The following PLCG2 variants were observed in gnomAD, a reference collection of about 807,000 sequenced individuals.
PLCG2 encodes 1-phosphatidylinositol 4,5-bisphosphate phosphodiesterase gamma-2.
A neutral mutation model predicts 175.6 loss-of-function variants in PLCG2; 69 were observed. That is an observed-to-expected ratio of 0.39 (90% CI 0.32 to 0.48). The LOEUF (loss-of-function observed/expected upper bound fraction) is 0.48, where lower values mean the gene tolerates loss of function less well. PLCG2 is among the 20% of genes least tolerant of loss of function. PLCG2 has a pLI of 0.91. For missense variants in PLCG2, 1,798 were observed against 1,650.9 expected (o/e 1.09, Z -1.54); for synonymous variants, 827 against 624.0 (o/e 1.33, Z -4.85).
At position 81,907,696 on chromosome 16, in the gene PLCG2, G is replaced by C. The variant is rs770303470; in HGVS notation, c.1479G>C (p.Arg493=). The C allele has an allele frequency of 8.1e-6, 13 of 1,613,242 alleles. No individual in the cohort carries two copies. The African/African-American group carries it at 1.5e-4, about 18-fold the overall frequency. The stretch of plus-strand genomic sequence containing the variant: ...GTTTCACTTTCTAGAAATGGACTCG[G>C]CACTACTGCGCCATTGCCGATGCCA... The part of the protein sequence containing the change: ...MWDSIDQKWT[R]HYCAIADAKL... Residue 493 remains arginine (R), a synonymous_variant, in exon 16 of 33, where the codon CGG becomes CGC. Coordinates refer to ENST00000564138, the MANE Select transcript of PLCG2 (RefSeq NM_002661.5).
intron 2 of PLCG2, among the ~76,000 whole-genome samples, chr16:81,800,293 C>T (rs765600216): frequency 2.0e-4 from 31 of 152,188 alleles, no homozygotes; most frequent in Non-Finnish European, 3.7e-4. Context: ...TGGCTTGCTG[C>T]ACCTATCAGC....
intron 30 of PLCG2, among the ~76,000 whole-genome samples, chr16:81,945,073 G>T (rs932611073): frequency 1.3e-5 from 2 of 152,174 alleles, no homozygotes; most frequent in Non-Finnish European, 2.9e-5. Context: ...CACCTTAGGG[G>T]TGTAAAAGGA....
intron 2 of PLCG2, among the ~76,000 whole-genome samples, chr16:81,853,138 C>G (rs1225383890): frequency 6.6e-6 from 1 of 152,120 alleles, no homozygotes; most frequent in Non-Finnish European, 1.5e-5. Flanking sequence ...CAAGACCAGC[C>G]TGGCCAACAT....
rs544184506 is a variant in PLCG2 at position 81,870,944 on chromosome 16, A to G, written c.648+9A>G. 4.8e-6 allele frequency: 7 copies of G among 1,462,670 alleles called. No individual in the cohort carries two copies. Among genetic ancestry groups the G allele is most frequent in the Non-Finnish European group, 4.8e-6 (5 of 1,051,074 alleles). The allele number at this position is 1,462,670 out of a possible 1,614,324, so 90.6% of individuals were successfully genotyped here. On this transcript the variant is annotated intron_variant, in intron 7 of 32. Coordinates refer to ENST00000564138, the MANE Select transcript of PLCG2 (RefSeq NM_002661.5). Reference sequence around the variant, plus strand: ...TTGAACAGCAAAAATCGGTAAGATGATTCTTGAGCAAGTGATCAAGTGATG... The same window carrying G: ...TTGAACAGCAAAAATCGGTAAGATGGTTCTTGAGCAAGTGATCAAGTGATG...
chr16:81,798,184 C>A (rs1479186329), intron 2 of PLCG2, among the ~76,000 whole-genome samples: 1 of 152,148 alleles, frequency 6.6e-6, no homozygotes, highest in Non-Finnish European at 1.5e-5. Context: ...CTTACCCCAT[C>A]AGATCACTGG....
intron 9 of PLCG2, among the ~76,000 whole-genome samples, chr16:81,886,637 G>C (rs530742378): frequency 1.3e-5 from 2 of 152,204 alleles, no homozygotes; most frequent in African/African-American, 2.4e-5. Flanking sequence ...TAGGAAGGGG[G>C]TTAAAAGTAT....
Position 81,883,979 on chromosome 16 carries a change from G to A in PLCG2, c.765+638G>A, listed in dbSNP as rs577818094. On this transcript the variant is annotated intron_variant, in intron 9 of 32. Transcript: ENST00000564138. ...CGTGTCACAGCGGGAGGCTGCTGCC[G>A]GCATCTAGCAGGTCAACACCAGGGA... is the stretch of plus-strand genomic sequence containing the variant. Among the ~76,000 whole-genome samples, 14 of 152,336 alleles carry A rather than the reference G, an allele frequency of 9.2e-5. No individual in the cohort carries two copies. The East Asian group carries it at 1.9e-3, about 21-fold the overall frequency.
chr16:81,869,045 G>T (rs1299120618), intron 5 of PLCG2, among the ~76,000 whole-genome samples, 169 bp from the exon 6 acceptor site: 1 of 152,234 alleles, frequency 6.6e-6, no homozygotes, highest in Non-Finnish European at 1.5e-5. Context: ...TCATTGAAGT[G>T]TCACCCTTAC....
chr16:81,906,856 G>T (rs1789417345), intron 15 of PLCG2, among the ~76,000 whole-genome samples: 1 of 152,136 alleles, frequency 6.6e-6, no homozygotes, highest in Admixed American at 6.5e-5. Flanking sequence ...TGGCTAACAT[G>T]GCGAATCCCC....
intron 5 of PLCG2, among the ~76,000 whole-genome samples, chr16:81,867,365 C>T (rs1005758647): frequency 6.6e-6 from 1 of 152,214 alleles, no homozygotes; most frequent in Non-Finnish European, 1.5e-5. Context: ...CCACCCACCC[C>T]ACTAATTTCA....
intron 30 of PLCG2, among the ~76,000 whole-genome samples, 177 bp downstream of exon 30, chr16:81,940,236 G>C (rs74651519): frequency 0.033 from 4,993 of 152,284 alleles, 118 homozygotes; most frequent in Non-Finnish European, 0.051. Flanking sequence ...CAGGTGGGAG[G>C]AAGTGGGTGA....
intron 18 of PLCG2, 42 bp downstream of exon 18, chr16:81,910,762 G>T: frequency 1.3e-6 from 2 of 1,565,820 alleles, no homozygotes; most frequent in Non-Finnish European, 1.7e-6. Flanking sequence ...CGGTGGTCGG[G>T]TTAGCTCCAC....
chr16:81,803,113 CTTTTT>C (rs762278218), intron 2 of PLCG2, among the ~76,000 whole-genome samples: 4 of 131,392 alleles, frequency 3.0e-5, no homozygotes, highest in African/African-American at 8.5e-5. Flanking sequence ...TTGCATTTCA[CTTTTT>C]TTTTTTTTTT....
rs1422132538 is a variant in PLCG2, at chr16:81,961,120, G to A, written c.*3122G>A. 3 of 231,226 alleles carry A rather than the reference G, an allele frequency of 1.3e-5. No individual in the cohort carries two copies. The highest frequency in any genetic ancestry group is 6.6e-5 in the African/African-American group (3 of 45,264). The allele number at this position is 231,226 out of a possible 1,614,324, so 14.3% of individuals were successfully genotyped here. A position where few individuals can be genotyped will look rare whatever the true frequency, so the allele number is the denominator to read the frequency against. On this transcript the variant is annotated 3_prime_UTR_variant, in exon 33 of 33. Coordinates refer to ENST00000564138, the MANE Select transcript of PLCG2 (RefSeq NM_002661.5). ...TTCCAAATTTTTTGCTTTCAACAAAGTGGGAGGAACAGCCTGTAGATTTCT... is the reference window on the plus strand; with the variant it reads ...TTCCAAATTTTTTGCTTTCAACAAAATGGGAGGAACAGCCTGTAGATTTCT...
At chr16:81,874,973 T>TTA (rs1907706636) in intron 7 of PLCG2, among the ~76,000 whole-genome samples, 1 of 146,564 alleles carries the variant, frequency 6.8e-6, no homozygotes, top group Admixed American at 6.8e-5. Context: ...TTTTTTTTTT[T>TTA]TTTTATTTGA....
intron 2 of PLCG2, among the ~76,000 whole-genome samples, chr16:81,815,072 C>G (rs1301328070): frequency 6.6e-6 from 1 of 152,186 alleles, no homozygotes; most frequent in Non-Finnish European, 1.5e-5. Context: ...CTGAAGTTAA[C>G]TTTTAAACAT....
chr16:81,787,523 C>G (rs1018518728), intron 2 of PLCG2, among the ~76,000 whole-genome samples: 4 of 141,438 alleles, frequency 2.8e-5, no homozygotes, highest in African/African-American at 1.1e-4. Flanking sequence ...CCACCTCACC[C>G]AGCCTTGCAC....
intron 2 of PLCG2, among the ~76,000 whole-genome samples, chr16:81,841,056 T>C (rs1463179824): frequency 6.6e-6 from 1 of 152,190 alleles, no homozygotes; most frequent in Non-Finnish European, 1.5e-5. Flanking sequence ...TTGAGCATAA[T>C]GATCTGGGAA....
At chr16:81,929,442 C>G (rs530910118) in intron 24 of PLCG2, among the ~76,000 whole-genome samples, 2 of 152,346 alleles carry the variant, frequency 1.3e-5, no homozygotes, top group East Asian at 3.9e-4. Flanking sequence ...GTCACCCAGG[C>G]TGGAGTGCAG....
Sources: gnomAD v4.1 joint callset for allele counts (sites outside exome capture counted in the v4.1 genomes callset) on GRCh38, gnomAD v4.1.1 for gene constraint, MANE v1.5 for transcripts, NCBI Gene and HGNC (gene_info 2026-07-23, HGNC 2026-07-21) for gene names.